WWOX: variants seen among roughly 807,000 people sequenced by gnomAD.
WWOX encodes WW domain-containing oxidoreductase.
WWOX carries 69 observed loss-of-function variants against 46.2 expected under a neutral mutation model. The observed-to-expected ratio is 1.49, with a 90% confidence interval of 1.23 to 1.82. The LOEUF (loss-of-function observed/expected upper bound fraction) is 1.82, where lower values mean the gene tolerates loss of function less well. Ranked by LOEUF, WWOX falls within the 40% of genes most tolerant of loss-of-function variation. WWOX has a pLI of 0.00. For missense variants in WWOX, 919 were observed against 542.6 expected (o/e 1.69, Z -6.89); for synonymous variants, 359 against 202.6 (o/e 1.77, Z -6.56).
At chr16:79,184,749 G>C (rs569298072) in intron 8 of WWOX, among the ~76,000 whole-genome samples, 3 of 152,208 alleles carry the variant, frequency 2.0e-5, no homozygotes, top group Admixed American at 2.0e-4. Context: ...GCCAAGATAG[G>C]AGTTTGAAGA....
chr16:79,021,250 C>T (rs1484448019), intron 8 of WWOX, among the ~76,000 whole-genome samples: 1 of 152,094 alleles, frequency 6.6e-6, no homozygotes, highest in Non-Finnish European at 1.5e-5. Context: ...GTTTGACATT[C>T]TTGGAATATT....
intron 8 of WWOX, among the ~76,000 whole-genome samples, chr16:78,947,099 T>TG: frequency 6.9e-6 from 1 of 145,570 alleles, no homozygotes. Context: ...TAAATCCCTG[T>TG]GGAAAAAAAA....
At chr16:78,854,029 C>A (rs1474015591) in intron 8 of WWOX, among the ~76,000 whole-genome samples, 1 of 152,162 alleles carries the variant, frequency 6.6e-6, no homozygotes, top group African/African-American at 2.4e-5. Flanking sequence ...TGTTGTACCA[C>A]CACCTGAAGA....
intron 8 of WWOX, among the ~76,000 whole-genome samples, chr16:78,791,247 C>G (rs1019905919): frequency 1.3e-5 from 2 of 152,000 alleles, no homozygotes; most frequent in African/African-American, 2.4e-5. Context: ...GAAGCAAACA[C>G]ACACCCTCCC....
intron 8 of WWOX, among the ~76,000 whole-genome samples, chr16:78,623,339 C>A (rs2046233883): frequency 1.3e-5 from 2 of 152,168 alleles, no homozygotes; most frequent in Admixed American, 1.3e-4. Flanking sequence ...CTAAGTTACT[C>A]ACCAGGTTTC....
At chr16:78,329,484 G>C (rs1458395358) in intron 5 of WWOX, among the ~76,000 whole-genome samples, 3 of 152,212 alleles carry the variant, frequency 2.0e-5, no homozygotes, top group East Asian at 1.9e-4. Flanking sequence ...TTGAGGCTTC[G>C]TGGCAAATGT....
chr16:78,499,618 C>A lies in WWOX; in HGVS notation c.1056+66866C>A, dbSNP rs139941944. Among the ~76,000 whole-genome samples, 301 of 152,294 alleles carry A rather than the reference C, an allele frequency of 2.0e-3. 1 individual carries two copies. Among genetic ancestry groups the A allele is most frequent in the African/African-American group, 6.7e-3 (279 of 41,566 alleles). ...CCCTTTGCCGGCTCTTAGTGTAGAGCACTAGTTGTACCATCTGGTAGTTGT... is the reference window on the plus strand; with the variant it reads ...CCCTTTGCCGGCTCTTAGTGTAGAGAACTAGTTGTACCATCTGGTAGTTGT... On this transcript the variant is annotated intron_variant, in intron 8 of 8. Transcript: ENST00000566780.
chr16:79,015,094 T>C (rs1370217298), intron 8 of WWOX, among the ~76,000 whole-genome samples: 1 of 152,168 alleles, frequency 6.6e-6, no homozygotes, highest in Non-Finnish European at 1.5e-5. Flanking sequence ...TTTGGATGTG[T>C]CGGGGGCCAC....
At chr16:79,074,179 C>A (rs9939755) in intron 8 of WWOX, among the ~76,000 whole-genome samples, 5,886 of 152,040 alleles carry the variant, frequency 0.039, 379 homozygotes, top group African/African-American at 0.14. Flanking sequence ...CAAGTTGGAG[C>A]TGTGTGTTGA....
chr16:79,149,672 T>A (rs1016490997), intron 8 of WWOX, among the ~76,000 whole-genome samples: 5 of 152,344 alleles, frequency 3.3e-5, no homozygotes, highest in African/African-American at 1.2e-4. Context: ...TCTGCCTGCT[T>A]ATATTTTCAT....
chr16:78,701,671 T>C (rs1398889538), intron 8 of WWOX, among the ~76,000 whole-genome samples: 2 of 152,018 alleles, frequency 1.3e-5, no homozygotes, highest in East Asian at 1.9e-4. Context: ...ACCAAGAGTC[T>C]ATGAGCTCGA....
chr16:78,766,062 G>T (rs1010428639), intron 8 of WWOX, among the ~76,000 whole-genome samples: 8 of 152,244 alleles, frequency 5.3e-5, no homozygotes, highest in African/African-American at 1.9e-4. Context: ...GACATGAGCA[G>T]TTCCAAAGGA....
At chr16:78,354,425 A>C (rs556232080) in intron 5 of WWOX, among the ~76,000 whole-genome samples, 1 of 151,204 alleles carries the variant, frequency 6.6e-6, no homozygotes, top group African/African-American at 2.4e-5. Context: ...ATTAATGCCA[A>C]TGAAGCCCGT....
intron 8 of WWOX, chr16:79,077,347 A>G (rs1243289197): frequency 1.4e-4 from 22 of 152,188 alleles, no homozygotes; most frequent in African/African-American, 2.4e-5. Flanking sequence ...AGCAAACACA[A>G]TGGGGAAAAT....
chr16:79,177,739 G>T (rs2050829516), intron 8 of WWOX, among the ~76,000 whole-genome samples: 1 of 152,222 alleles, frequency 6.6e-6, no homozygotes, highest in Non-Finnish European at 1.5e-5. Context: ...TACAAAAAGG[G>T]TCAGCAGACT....
chr16:78,352,012 G>C (rs778246798), intron 5 of WWOX, among the ~76,000 whole-genome samples: 1 of 152,138 alleles, frequency 6.6e-6, no homozygotes, highest in Admixed American at 6.5e-5. Flanking sequence ...AATGTTTGGT[G>C]GGAGCAGTTG....
chr16:79,123,847 CTGAT>C (rs1256751597), intron 8 of WWOX, among the ~76,000 whole-genome samples: 2 of 152,164 alleles, frequency 1.3e-5, no homozygotes, highest in Admixed American at 6.5e-5. Flanking sequence ...TCAAGAGAAA[CTGAT>C]TGATATACAG....
chr16:79,061,382 A>T (rs1476424110), intron 8 of WWOX, among the ~76,000 whole-genome samples: 1 of 152,236 alleles, frequency 6.6e-6, no homozygotes, highest in Non-Finnish European at 1.5e-5. Flanking sequence ...AGAAGAATGC[A>T]GTTCCACGAT....
At chr16:79,151,598 G>A (rs371365212) in intron 8 of WWOX, among the ~76,000 whole-genome samples, 60 of 152,322 alleles carry the variant, frequency 3.9e-4, no homozygotes, top group African/African-American at 1.3e-3. Context: ...CTCTGCTTAT[G>A]GGCTGCATGC....
Sources: allele counts gnomAD v4.1 joint callset (sites outside exome capture counted in the v4.1 genomes callset), GRCh38; gene constraint gnomAD v4.1.1; transcripts MANE v1.5; gene names NCBI Gene and HGNC (gene_info 2026-07-23, HGNC 2026-07-21).